The following UGT1A3 variants were observed in gnomAD, a reference collection of about 807,000 sequenced individuals.
UGT1A3 encodes UDP-glucuronosyltransferase 1A3.
Under a neutral mutation model 41.0 loss-of-function variants are expected in UGT1A3, and 31 were observed. The ratio of observed to expected loss-of-function variants is 0.76; its 90% CI spans 0.57 to 1.02. UGT1A3 has a LOEUF of 1.02. UGT1A3 is among the 50% of genes least tolerant of loss of function. UGT1A3 has a pLI of 0.00. For synonymous variants in UGT1A3, 262 were observed against 257.6 expected (o/e 1.02, Z -0.17); for missense variants, 737 against 671.0 (o/e 1.10, Z -1.09).
chr2:233,747,506 A>G, intron 1 of UGT1A3: 1 of 1,608,324 alleles, frequency 6.2e-7, no homozygotes, highest in Non-Finnish European at 8.5e-7. Flanking sequence ...GCCACACTCA[A>G]CTGTACTTTG....
At chr2:233,766,877 C>T (rs3213726) in intron 1 of UGT1A3, among the ~76,000 whole-genome samples, 157 bp from the exon 2 acceptor site, 1 of 152,218 alleles carries the variant, frequency 6.6e-6, no homozygotes, top group Non-Finnish European at 1.5e-5. Flanking sequence ...GAGGAAAATG[C>T]TGTAAAACTT....
chr2:233,757,888 A>G (rs182101094), intron 1 of UGT1A3, among the ~76,000 whole-genome samples: 97 of 152,124 alleles, frequency 6.4e-4, no homozygotes, highest in African/African-American at 2.1e-3. Flanking sequence ...GGGTTCCAGA[A>G]ACACTTTCCA....
chr2:233,736,695 G>A (rs1463496904), intron 1 of UGT1A3, among the ~76,000 whole-genome samples: 1 of 152,174 alleles, frequency 6.6e-6, no homozygotes, highest in Admixed American at 6.5e-5. Context: ...CTACAGATGG[G>A]GTTTTGGTGT....
intron 1 of UGT1A3, chr2:233,760,709 C>A (rs774109568): frequency 6.2e-7 from 1 of 1,614,204 alleles, no homozygotes; most frequent in African/African-American, 1.3e-5. Flanking sequence ...GCCTCCCTGG[C>A]AGAAAGCAGC....
chr2:233,761,011 G>A, intron 1 of UGT1A3: 1 of 1,614,156 alleles, frequency 6.2e-7, no homozygotes, highest in Non-Finnish European at 8.5e-7. Flanking sequence ...TCAGAGAGAG[G>A]TGACTGTCCA....
At chr2:233,760,762 A>G in intron 1 of UGT1A3, 9 of 1,614,056 alleles carry the variant, frequency 5.6e-6, no homozygotes, top group Non-Finnish European at 7.6e-6. Flanking sequence ...TTGCAGCCCC[A>G]TCGTGGCCCA....
chr2:233,732,474 A>C (rs866244589), intron 1 of UGT1A3, among the ~76,000 whole-genome samples: 34 of 152,356 alleles, frequency 2.2e-4, no homozygotes, highest in African/African-American at 6.3e-4. Flanking sequence ...TCCATCTGGA[A>C]TTAATTTTTG....
At chr2:233,741,418 C>T (rs1400059458) in intron 1 of UGT1A3, 1 of 151,750 alleles carries the variant, frequency 6.6e-6, no homozygotes, top group Non-Finnish European at 1.5e-5. Context: ...TGAACTGCTC[C>T]AAAAGCAAAC....
intron 1 of UGT1A3, among the ~76,000 whole-genome samples, chr2:233,738,037 G>A (rs542059461): frequency 6.6e-6 from 1 of 152,044 alleles, no homozygotes; most frequent in South Asian, 2.1e-4. Context: ...TAATCCCCAC[G>A]TGTTGAGGAC....
At chr2:233,772,210 A>AT in intron 4 of UGT1A3, 52 bp from the exon 5 acceptor site, 1 of 1,610,530 alleles carries the variant, frequency 6.2e-7, no homozygotes, top group Non-Finnish European at 8.5e-7. Context: ...TAAAGAGAGG[A>AT]TTGTTCATAC....
chr2:233,767,283 C>T (rs1575825850), intron 2 of UGT1A3, 118 bp downstream of exon 2: 2 of 1,571,702 alleles, frequency 1.3e-6, no homozygotes, highest in Non-Finnish European at 1.7e-6. Flanking sequence ...TTCCCTGCCA[C>T]TTCCCAACTA....
chr2:233,753,266 G>A (rs1351102535), intron 1 of UGT1A3: 2 of 152,220 alleles, frequency 1.3e-5, no homozygotes, highest in South Asian at 2.1e-4. Flanking sequence ...CAGGCACCTT[G>A]GAGCATGTTG....
intron 1 of UGT1A3, 84 bp from the exon 2 acceptor site, chr2:233,766,950 A>G: frequency 6.2e-7 from 1 of 1,601,228 alleles, no homozygotes. Context: ...TCTTAAGAGG[A>G]AGATATCTAA....
At chr2:233,766,543 C>T (rs1171060177) in intron 1 of UGT1A3, among the ~76,000 whole-genome samples, 8 of 152,170 alleles carry the variant, frequency 5.3e-5, no homozygotes, top group Admixed American at 5.2e-4. Flanking sequence ...AACAAAAATG[C>T]CTGTCCTCAC....
At chr2:233,757,444 G>A (rs1344287126) in intron 1 of UGT1A3, among the ~76,000 whole-genome samples, 1 of 150,698 alleles carries the variant, frequency 6.6e-6, no homozygotes, top group Non-Finnish European at 1.5e-5. Context: ...CTTCTATACA[G>A]AAACATGTCC....
At chr2:233,755,921 AT>A (rs1696067229) in intron 1 of UGT1A3, 1 of 146,266 alleles carries the variant, frequency 6.8e-6, no homozygotes, top group Non-Finnish European at 1.5e-5. Context: ...GAAGAGTGGC[AT>A]CGTTTTACAG....
At chr2:233,760,414 AT>A in intron 1 of UGT1A3, 1 of 1,614,212 alleles carries the variant, frequency 6.2e-7, no homozygotes, top group Non-Finnish European at 8.5e-7. Flanking sequence ...CTGGCTGAGC[AT>A]GCTTGGGGCC....
chr2:233,738,537 C>G (rs761358623), intron 1 of UGT1A3, among the ~76,000 whole-genome samples: 3 of 152,168 alleles, frequency 2.0e-5, no homozygotes, highest in Non-Finnish European at 2.9e-5. Context: ...GAAGTCCAGG[C>G]TGAGTCTCAG....
chr2:233,772,614 C>T lies in UGT1A3; in HGVS notation c.*55C>T, dbSNP rs1700539224. ...GAACCATTCCCTAGTCATTTCCAAA[C>T]TTGAAAACAGAATCAGTGTTAAATT... On this transcript the variant is annotated 3_prime_UTR_variant, in exon 5 of 5. Transcript: ENST00000482026. The T allele has an allele frequency of 1.3e-6, 2 of 1,575,828 alleles. No homozygotes were observed. The highest frequency in any genetic ancestry group is 1.7e-6 in the Non-Finnish European group (2 of 1,159,834).
Sources: gnomAD v4.1 joint callset for allele counts (sites outside exome capture counted in the v4.1 genomes callset) on GRCh38, gnomAD v4.1.1 for gene constraint, MANE v1.5 for transcripts, NCBI Gene and HGNC (gene_info 2026-07-23, HGNC 2026-07-21) for gene names.